Variants in FGB observed in about 807,000 individuals in gnomAD.
FGB encodes the protein beta-fibrinogen.
In FGB, 25 loss-of-function variants were observed where a neutral mutation model predicts 57.9. The observed-to-expected ratio is 0.43, with a 90% CI of 0.31 to 0.60. The LOEUF (loss-of-function observed/expected upper bound fraction) is 0.60, where lower values mean the gene tolerates loss of function less well. FGB is among the 20% of genes least tolerant of loss of function. The pLI is 0.08. For synonymous variants in FGB, 203 were observed against 199.2 expected, an observed-to-expected ratio of 1.02 and a Z score of -0.16; for missense variants, 536 against 598.4, an observed-to-expected ratio of 0.90 and a Z score of 1.09.
Position 154,566,584 on chromosome 4 carries a change from G to T in FGB, c.402G>T (p.Val134=). The stretch of plus-strand genomic sequence containing the variant: ...GTGTTGATGAGTTAAATAACAATGT[G>T]GAAGCTGTTTCCCAGACCTCCTCTT... ...RNSVDELNNN[V]EAVSQTSSSS... is the part of the protein sequence containing the mutation. The change falls in exon 3 of 8, where the codon GTG becomes GTT. Residue 134 remains valine, a synonymous_variant. Coordinates refer to ENST00000302068, the MANE Select transcript of FGB (RefSeq NM_005141.5). 6.2e-7 allele frequency: 1 copy of T among 1,614,056 alleles called. No homozygotes were observed.
Position 154,567,644 on chromosome 4 carries a change from T to C in FGB, c.542T>C (p.Leu181Ser). The change falls in exon 4 of 8, where the codon TTA (leucine) becomes TCA (serine). Residue 181 changes from leucine (L) to serine (S), a missense_variant. Coordinates refer to ENST00000302068, the MANE Select transcript of FGB (RefSeq NM_005141.5). Reference sequence around the variant, plus strand: ...TCCTCAGAACTGGAAAAGCACCAATTATATATAGATGAGACTGTGAATAGC... The same window carrying C: ...TCCTCAGAACTGGAAAAGCACCAATCATATATAGATGAGACTGTGAATAGC... ...EYSSELEKHQ[L>S]YIDETVNSNI... 1 of 1,613,042 alleles carries C rather than the reference T, an allele frequency of 6.2e-7. No individual in the cohort carries two copies. Among genetic ancestry groups the C allele is most frequent in the South Asian group, 1.1e-5 (1 of 91,060 alleles).
chr4:154,571,834 C>A lies in FGB; in HGVS notation c.*1184C>A, dbSNP rs1730440870. 6.6e-6 allele frequency among the ~76,000 whole-genome samples: 1 copy of A among 152,184 alleles called. No homozygotes were observed. Among genetic ancestry groups the A allele is most frequent in the Non-Finnish European group, 1.5e-5 (1 of 68,040 alleles). ...CACCCCTAATGTATCATCATTGCCA[C>A]CCATTTTTATGGTACTTATTGTTCT... On this transcript the variant is annotated 3_prime_UTR_variant, in exon 8 of 8. Transcript: ENST00000302068.
At position 154,572,689 on chromosome 4, in the gene FGB, C is replaced by T. The variant is rs1469880080; in HGVS notation, c.*2039C>T. ...CAGGGTATGCTTGAGTTAATGCTGTCGGATGCATCTGTCATACAAAGTGTT... is the reference window on the plus strand; with the variant it reads ...CAGGGTATGCTTGAGTTAATGCTGTTGGATGCATCTGTCATACAAAGTGTT... On this transcript the variant is annotated 3_prime_UTR_variant, in exon 8 of 8. Transcript: ENST00000302068. 2.0e-5 allele frequency among the ~76,000 whole-genome samples: 3 copies of T among 152,090 alleles called. No homozygotes were observed. Among genetic ancestry groups the T allele is most frequent in the East Asian group, 1.9e-4 (1 of 5,196 alleles).
chr4:154,566,526 C>T lies in FGB; in HGVS notation c.344C>T (p.Ala115Val). The part of the protein sequence containing the change: ...LCPTGCQLQE[A>V]LLQQERPIRN... ...CCTACAGGATGTCAGTTGCAAGAGG[C>T]TTTGCTACAACAGGAAAGGCCAATC... The change falls in exon 3 of 8, where the codon GCT (alanine) becomes GTT (valine). Residue 115 changes from alanine to valine, a missense_variant. By Grantham distance (64) the Ala-to-Val change is moderately conservative. Transcript: ENST00000302068. The T allele has an allele frequency of 6.2e-7, 1 of 1,614,100 alleles. No individual in the cohort carries two copies. Among genetic ancestry groups the T allele is most frequent in the Non-Finnish European group, 8.5e-7 (1 of 1,180,018 alleles).
chr4:154,571,317 A>G lies in FGB; in HGVS notation c.*667A>G, dbSNP rs973390303. Among the ~76,000 whole-genome samples, 4 of 152,054 alleles carry G rather than the reference A, an allele frequency of 2.6e-5. No individual in the cohort carries two copies. Among genetic ancestry groups the G allele is most frequent in the African/African-American group, 7.2e-5 (3 of 41,380 alleles). On this transcript the variant is annotated 3_prime_UTR_variant, in exon 8 of 8. Coordinates refer to ENST00000302068, the MANE Select transcript of FGB (RefSeq NM_005141.5). ...GGAGTTCAAGACCAGCCTGACCAAT[A>G]TGGTGAAACCCCATCTCTACTAAAA...
In FGB at chr4:154,570,954, G is replaced by A. The variant is rs901759260; in HGVS notation, c.*304G>A. 5.0e-5 allele frequency: 20 copies of A among 396,656 alleles called. No homozygotes were observed. Among genetic ancestry groups the A allele is most frequent in the Admixed American group, 7.9e-5 (2 of 25,254 alleles). 24.6% of individuals were successfully genotyped at this position (396,656 alleles called of 1,614,324 possible). On this transcript the variant is annotated 3_prime_UTR_variant, in exon 8 of 8. Coordinates refer to ENST00000302068, the MANE Select transcript of FGB (RefSeq NM_005141.5). The stretch of plus-strand genomic sequence containing the variant: ...GGAAGAGGGGTCTTTTATCCTTGTC[G>A]TAGGAAAACCATGACGGAAAGGAAA...
At position 154,565,884 on chromosome 4, in the gene FGB, C is replaced by T. The variant is rs141013999; in HGVS notation, c.191C>T (p.Pro64Leu). 30 of 1,614,014 alleles carry T rather than the reference C, an allele frequency of 1.9e-5. No homozygotes were observed. The Admixed American group carries it at 2.0e-4, about 11-fold the overall frequency. ...EEAPSLRPAP[P>L]PISGGGYRAR... is the part of the protein sequence containing the mutation. ...GCTCCCAGCCTGAGGCCTGCCCCAC[C>T]GCCCATCAGTGGAGGTGGCTATCGG... Residue 64 changes from proline to leucine, a missense_variant, in exon 2 of 8, where the codon CCG becomes CTG. Physicochemically the swap from Pro to Leu is moderately conservative, Grantham distance 98 (BLOSUM62 -3). Around this residue, in one of 3 missense-constraint regions of FGB, gnomAD observed 354 missense variants for 383.4 expected, o/e 0.92. Transcript: ENST00000302068.
chr4:154,567,405 G>A (rs930150743), intron 3 of FGB, among the ~76,000 whole-genome samples, 188 bp from the exon 4 acceptor site: 1 of 152,064 alleles, frequency 6.6e-6, no homozygotes, highest in Non-Finnish European at 1.5e-5. Flanking sequence ...ATGGTGGTTA[G>A]GATTTATGTT....
chr4:154,563,282 T>A lies in FGB; in HGVS notation c.114+150T>A, dbSNP rs533630297. On this transcript the variant is annotated intron_variant, in intron 1 of 7. Transcript: ENST00000302068. Reference sequence around the variant, plus strand: ...CCTCTGACTTATTGTATTTAAAGAATGTTTCATAGTATTTCTTATATAAAA... The same window carrying A: ...CCTCTGACTTATTGTATTTAAAGAAAGTTTCATAGTATTTCTTATATAAAA... 5 of 505,668 alleles carry A rather than the reference T, an allele frequency of 9.9e-6. No individual in the cohort carries two copies. In the South Asian group the frequency reaches 1.5e-4, roughly 15 times the overall value. 31.3% of individuals were successfully genotyped at this position (505,668 alleles called of 1,614,324 possible). A position where few individuals can be genotyped will look rare whatever the true frequency, so the allele number is the denominator to read the frequency against.
At position 154,571,320 on chromosome 4, in the gene FGB, G is replaced by A. The variant is rs1730416277; in HGVS notation, c.*670G>A. Among the ~76,000 whole-genome samples the A allele has an allele frequency of 1.3e-5, 2 of 152,050 alleles. No individual in the cohort carries two copies. The highest frequency in any genetic ancestry group is 2.4e-5 in the African/African-American group (1 of 41,398). On this transcript the variant is annotated 3_prime_UTR_variant, in exon 8 of 8. Coordinates refer to ENST00000302068, the MANE Select transcript of FGB (RefSeq NM_005141.5). ...GTTCAAGACCAGCCTGACCAATATG[G>A]TGAAACCCCATCTCTACTAAAAATA...
chr4:154,568,584 A>G, intron 5 of FGB, 90 bp downstream of exon 5: 1 of 796,440 alleles, frequency 1.3e-6, no homozygotes, highest in East Asian at 2.5e-5. Context: ...GGTGGCTCAT[A>G]CCTGTAATTC....
At position 154,567,833 on chromosome 4, in the gene FGB, T is replaced by G. The variant is rs945180163; in HGVS notation, c.718+13T>G. On this transcript the variant is annotated intron_variant, in intron 4 of 7. Coordinates refer to ENST00000302068, the MANE Select transcript of FGB (RefSeq NM_005141.5). ...GTGTCTGGCAAAGGTAACTGATTCA[T>G]AAACATATTTTTAGAGAGTTCCAGA... 1.9e-6 allele frequency: 3 copies of G among 1,580,756 alleles called. No individual in the cohort carries two copies. Among genetic ancestry groups the G allele is most frequent in the Middle Eastern group, 3.3e-4 (2 of 6,008 alleles).
At chr4:154,566,846 T>G in intron 3 of FGB, 174 bp downstream of exon 3, 1 of 634,400 alleles carries the variant, frequency 1.6e-6, no homozygotes, top group Non-Finnish European at 2.8e-6. Context: ...TCAGCTCTTA[T>G]TCCCAGTCTG....
At position 154,569,608 on chromosome 4, in the gene FGB, A is replaced by C; in HGVS notation, c.1053A>C (p.Lys351Asn). ...LIEMEDWKGD[K>N]VKAHYGGFTV... Reference sequence around the variant, plus strand: ...AAATGGAGGACTGGAAAGGAGACAAAGTAAAGGCTCACTATGGAGGATTCA... The same window carrying C: ...AAATGGAGGACTGGAAAGGAGACAACGTAAAGGCTCACTATGGAGGATTCA... The change falls in exon 7 of 8, where the codon AAA (lysine) becomes AAC (asparagine). Residue 351 changes from lysine to asparagine, a missense_variant. Lys to Asn is a moderately conservative substitution (Grantham distance 94, BLOSUM62 0). This residue lies in a region of FGB where 177 missense variants were observed against 193.7 expected (regional missense o/e 0.91). Coordinates refer to ENST00000302068, the MANE Select transcript of FGB (RefSeq NM_005141.5). 5 of 1,614,176 alleles carry C rather than the reference A, an allele frequency of 3.1e-6. No homozygotes were observed. Among genetic ancestry groups the C allele is most frequent in the Non-Finnish European group, 4.2e-6 (5 of 1,180,008 alleles).
chr4:154,568,682 CAAAAAAAAAAAAAATACCA>C (rs1300999715), intron 5 of FGB, among the ~76,000 whole-genome samples, 188 bp downstream of exon 5: 27 of 84,490 alleles, frequency 3.2e-4, no homozygotes, highest in African/African-American at 1.0e-3. Flanking sequence ...CCTAACTCTA[CAAAAAAAAAAAAAATACCA>C]AAAAAAAAAA....
At chr4:154,565,516 T>C (rs913445611) in intron 1 of FGB, 2 of 389,762 alleles carry the variant, frequency 5.1e-6, no homozygotes, top group Admixed American at 4.3e-5. Context: ...TAAGTTCCAA[T>C]GTATGTTTTA....
chr4:154,566,750 G>A, intron 3 of FGB, 78 bp downstream of exon 3: 1 of 1,360,032 alleles, frequency 7.4e-7, no homozygotes, highest in Non-Finnish European at 1.0e-6. Flanking sequence ...ATGCATGGTT[G>A]TGAGAAGATT....
At position 154,571,704 on chromosome 4, in the gene FGB, T is replaced by A. The variant is rs1730435402; in HGVS notation, c.*1054T>A. On this transcript the variant is annotated 3_prime_UTR_variant, in exon 8 of 8. Coordinates refer to ENST00000302068, the MANE Select transcript of FGB (RefSeq NM_005141.5). Reference sequence around the variant, plus strand: ...CTTCATAGTTACACCAGAACTAAAGTAAAAGTGGTTTTTCTGTTCTTTCTA... The same window carrying A: ...CTTCATAGTTACACCAGAACTAAAGAAAAAGTGGTTTTTCTGTTCTTTCTA... 6.6e-6 allele frequency among the ~76,000 whole-genome samples: 1 copy of A among 152,158 alleles called. No homozygotes were observed. Among genetic ancestry groups the A allele is most frequent in the Admixed American group, 6.5e-5 (1 of 15,272 alleles).
chr4:154,568,959 A>G (rs1730295090), intron 5 of FGB, among the ~76,000 whole-genome samples: 2 of 152,320 alleles, frequency 1.3e-5, no homozygotes, highest in South Asian at 4.1e-4. Context: ...TGATATTTAA[A>G]AAGTTATAAA....
Sources: gnomAD v4.1 joint callset for allele counts (sites outside exome capture counted in the v4.1 genomes callset) on GRCh38, gnomAD v4.1.1 for gene constraint, gnomAD v4.1.1 regional missense constraint, MANE v1.5 for transcripts, NCBI Gene and HGNC (gene_info 2026-07-23, HGNC 2026-07-21) for gene names.